The following DEPTOR variants were observed in gnomAD, a reference collection of about 807,000 sequenced individuals.
DEPTOR encodes the protein DEP domain containing MTOR interacting protein.
Under a neutral mutation model 41.6 loss-of-function variants are expected in DEPTOR, and 41 were observed. The observed-to-expected ratio is 0.98, with a 90% CI of 0.77 to 1.28. The LOEUF is 1.28. DEPTOR is among the 50% of genes most tolerant of loss of function. The pLI, the probability that DEPTOR is intolerant of heterozygous loss-of-function variation, is 0.00. For synonymous variants in DEPTOR, 195 were observed against 192.3 expected (o/e 1.01, Z -0.12); for missense variants, 514 against 527.9 (o/e 0.97, Z 0.26).
intron 1 of DEPTOR, among the ~76,000 whole-genome samples, chr8:119,926,456 A>G (rs1827965079): frequency 6.6e-6 from 1 of 152,238 alleles, no homozygotes; most frequent in Non-Finnish European, 1.5e-5. Context: ...AGGTTGTCAG[A>G]AAATGCAGAG....
chr8:119,986,822 C>T (rs1244971401), intron 4 of DEPTOR, among the ~76,000 whole-genome samples: 1 of 151,674 alleles, frequency 6.6e-6, no homozygotes, highest in Non-Finnish European at 1.5e-5. Context: ...ATCGATTCAG[C>T]TATTGATACT....
intron 3 of DEPTOR, among the ~76,000 whole-genome samples, chr8:119,935,138 TG>T (rs1828092323): frequency 6.6e-6 from 1 of 152,172 alleles, no homozygotes; most frequent in East Asian, 1.9e-4. Context: ...GCAAATGGAC[TG>T]AGGGTGCAAA....
At chr8:119,996,803 A>T (rs1298293824) in intron 4 of DEPTOR, among the ~76,000 whole-genome samples, 1 of 152,214 alleles carries the variant, frequency 6.6e-6, no homozygotes, top group Non-Finnish European at 1.5e-5. Context: ...GGTCTTAATA[A>T]ATGTATACAG....
rs1313512873 is a variant in DEPTOR at position 120,049,872 on chromosome 8, C to T, written c.*168C>T. On this transcript the variant is annotated 3_prime_UTR_variant, in exon 9 of 9. Transcript: ENST00000286234. ...TTTTATACACTGAATGTGGAAGAAC[C>T]GGGTATCATATCTTTTTTAAAAAAT... 12 of 706,598 alleles carry T rather than the reference C, an allele frequency of 1.7e-5. No homozygotes were observed. The highest frequency in any genetic ancestry group is 2.2e-5 in the Non-Finnish European group (11 of 489,754). 43.8% of individuals were successfully genotyped at this position (706,598 alleles called of 1,614,324 possible). A position where few individuals can be genotyped will look rare whatever the true frequency, so the allele number is the denominator to read the frequency against.
intron 1 of DEPTOR, among the ~76,000 whole-genome samples, chr8:119,901,150 C>A (rs1162879620): frequency 2.6e-5 from 4 of 152,142 alleles, no homozygotes; most frequent in Non-Finnish European, 5.9e-5. Context: ...TGGTTGTTTG[C>A]AGTTTCAGAT....
At chr8:119,986,540 G>A (rs1288155300) in intron 4 of DEPTOR, among the ~76,000 whole-genome samples, 1 of 152,050 alleles carries the variant, frequency 6.6e-6, no homozygotes, top group East Asian at 1.9e-4. Context: ...TCTTCGTTGT[G>A]TTCTCTGTGT....
intron 3 of DEPTOR, among the ~76,000 whole-genome samples, chr8:119,945,580 A>G (rs1303920962): frequency 1.3e-5 from 2 of 152,168 alleles, no homozygotes; most frequent in African/African-American, 4.8e-5. Flanking sequence ...TAGGCTCTTC[A>G]CTTTCCCACA....
chr8:119,919,253 C>T (rs535083875), intron 1 of DEPTOR, among the ~76,000 whole-genome samples: 2 of 152,066 alleles, frequency 1.3e-5, no homozygotes, highest in East Asian at 3.9e-4. Flanking sequence ...ATATTAGGTT[C>T]CTTTGGAAAG....
chr8:119,950,320 G>C (rs1244339400), intron 3 of DEPTOR, among the ~76,000 whole-genome samples: 1 of 152,132 alleles, frequency 6.6e-6, no homozygotes, highest in Non-Finnish European at 1.5e-5. Context: ...GAGAAGCCCT[G>C]CTATCACCTA....
chr8:119,973,536 C>A (rs1271326715), intron 4 of DEPTOR, among the ~76,000 whole-genome samples: 1 of 152,172 alleles, frequency 6.6e-6, no homozygotes. Context: ...GCAAAGGGCC[C>A]GAACACACTT....
intron 8 of DEPTOR, among the ~76,000 whole-genome samples, chr8:120,045,335 A>G (rs1420890457): frequency 6.6e-6 from 1 of 152,158 alleles, no homozygotes; most frequent in Non-Finnish European, 1.5e-5. Context: ...CAAAAACAAG[A>G]AATGACCTTT....
intron 8 of DEPTOR, among the ~76,000 whole-genome samples, chr8:120,015,245 C>T (rs1453325944): frequency 6.6e-6 from 1 of 152,214 alleles, no homozygotes; most frequent in Non-Finnish European, 1.5e-5. Context: ...GGGTTTTCTC[C>T]TGCCTAGGGC....
At chr8:119,987,024 A>G (rs1259019164) in intron 4 of DEPTOR, among the ~76,000 whole-genome samples, 2 of 151,794 alleles carry the variant, frequency 1.3e-5, no homozygotes, top group South Asian at 2.1e-4. Context: ...TCTGAAGCCT[A>G]CTTCTGTCAA....
At chr8:119,905,632 C>CTT (rs35630187) in intron 1 of DEPTOR, among the ~76,000 whole-genome samples, 1 of 136,500 alleles carries the variant, frequency 7.3e-6, no homozygotes, top group Non-Finnish European at 1.6e-5. Context: ...TTTATATGGG[C>CTT]TTTTTTTTTT....
rs772552810 is a variant in DEPTOR, at chr8:119,929,814, G to C, written c.302-1G>C. ...GCTTCTCTGTGCATATTGTGTTTCA[G>C]TGTGTGATGAGCATAAGGAATTCAA... is the stretch of plus-strand genomic sequence containing the variant. On this transcript the variant is annotated splice_acceptor_variant, in intron 2 of 8. Coordinates refer to ENST00000286234, the MANE Select transcript of DEPTOR (RefSeq NM_022783.4). LOFTEE classifies it high-confidence loss of function. The C allele has an allele frequency of 1.2e-5, 19 of 1,607,232 alleles. No homozygotes were observed. In the African/African-American group the frequency reaches 2.4e-4, roughly 20 times the overall value.
At chr8:120,009,237 C>G in intron 8 of DEPTOR, 104 bp downstream of exon 8, 1 of 991,218 alleles carries the variant, frequency 1.0e-6, no homozygotes, top group East Asian at 2.6e-5. Context: ...TATTTTGTGT[C>G]CTTTTCTATT....
intron 1 of DEPTOR, among the ~76,000 whole-genome samples, chr8:119,900,682 C>A (rs898979610): frequency 6.6e-6 from 1 of 151,984 alleles, no homozygotes; most frequent in African/African-American, 2.4e-5. Context: ...AATCAGTGCA[C>A]CTGGACCTTA....
At chr8:120,020,248 A>G (rs1474761862) in intron 8 of DEPTOR, among the ~76,000 whole-genome samples, 1 of 151,770 alleles carries the variant, frequency 6.6e-6, no homozygotes, top group Non-Finnish European at 1.5e-5. Flanking sequence ...TGCCCAGCTA[A>G]TTTTTGCATT....
At chr8:119,975,088 C>G (rs556210721) in intron 4 of DEPTOR, among the ~76,000 whole-genome samples, 1 of 151,654 alleles carries the variant, frequency 6.6e-6, no homozygotes, top group East Asian at 1.9e-4. Context: ...ACTGCTGGAG[C>G]CCAGGAGTTT....
Sources: allele counts gnomAD v4.1 joint callset (sites outside exome capture counted in the v4.1 genomes callset), GRCh38; gene constraint gnomAD v4.1.1; transcripts MANE v1.5; gene names NCBI Gene and HGNC (gene_info 2026-07-23, HGNC 2026-07-21).